Variants in PHACTR3 observed in about 807,000 individuals in gnomAD.
PHACTR3 encodes protein phosphatase 1, regulatory subunit 123.
Under a neutral mutation model 66.8 loss-of-function variants are expected in PHACTR3, and 16 were observed. That is an observed-to-expected ratio of 0.24 (90% CI 0.16 to 0.36). The LOEUF (loss-of-function observed/expected upper bound fraction) is 0.36. PHACTR3 is among the 10% of genes least tolerant of loss of function. PHACTR3 has a pLI of 1.00. For synonymous variants in PHACTR3, 323 were observed against 292.1 expected, an observed-to-expected ratio of 1.11 and a Z score of -1.08; for missense variants, 647 against 719.9, an observed-to-expected ratio of 0.90 and a Z score of 1.16.
intron 7 of PHACTR3, among the ~76,000 whole-genome samples, chr20:59,788,019 T>C (rs988915777): frequency 6.6e-6 from 1 of 152,130 alleles, no homozygotes; most frequent in Non-Finnish European, 1.5e-5. Flanking sequence ...CTTATGTGAG[T>C]AAGTTATTTG....
chr20:59,687,393 G>A (rs1023659933), intron 1 of PHACTR3, among the ~76,000 whole-genome samples: 1 of 152,180 alleles, frequency 6.6e-6, no homozygotes, highest in Non-Finnish European at 1.5e-5. Context: ...TGGAATTAAA[G>A]AAAACACTAC....
intron 2 of PHACTR3, among the ~76,000 whole-genome samples, chr20:59,743,809 C>T (rs570012745): frequency 6.6e-6 from 1 of 152,316 alleles, no homozygotes; most frequent in East Asian, 1.9e-4. Context: ...CACCTCTGGG[C>T]CTCTCTTCTT....
upstream of PHACTR3, among the ~76,000 whole-genome samples, chr20:59,599,803 C>T (rs2033422998): frequency 6.6e-6 from 1 of 152,184 alleles, no homozygotes; most frequent in East Asian, 1.9e-4. Context: ...ACACCGAGTC[C>T]AGCCTGCTGG....
chr20:59,633,072 T>C (rs1202140969), intron 1 of PHACTR3, among the ~76,000 whole-genome samples: 1 of 152,118 alleles, frequency 6.6e-6, no homozygotes, highest in Non-Finnish European at 1.5e-5. Context: ...AGAGGAGACA[T>C]CTACCCATGG....
At chr20:59,740,907 G>C (rs774618965) in intron 1 of PHACTR3, among the ~76,000 whole-genome samples, 1 of 152,244 alleles carries the variant, frequency 6.6e-6, no homozygotes, top group Non-Finnish European at 1.5e-5. Flanking sequence ...CCCAGATTCA[G>C]AGCAGGCCGT....
chr20:59,579,511 T>A (rs1031638487), intron 1 of PHACTR3, among the ~76,000 whole-genome samples: 1 of 152,180 alleles, frequency 6.6e-6, no homozygotes, highest in African/African-American at 2.4e-5. Context: ...TGGAAGCCCA[T>A]CAGCTAGGGG....
At position 59,611,021 on chromosome 20, in the gene PHACTR3, A is replaced by C. The variant is rs551745287; in HGVS notation, c.118+5889A>C. The stretch of plus-strand genomic sequence containing the variant: ...CAATGCAGCACACTTGGCCCTTGCC[A>C]GAAGGGCCTCTTTGGACAAGAGAAC... On this transcript the variant is annotated intron_variant, in intron 1 of 12. Coordinates refer to ENST00000371015, the MANE Select transcript of PHACTR3 (RefSeq NM_080672.5). Among the ~76,000 whole-genome samples the C allele has an allele frequency of 2.7e-3, 415 of 152,372 alleles. 2 individuals are homozygous for C. Among genetic ancestry groups the C allele is most frequent in the Non-Finnish European group, 2.8e-3 (192 of 68,042 alleles).
chr20:59,759,213 C>T (rs1052966071), intron 4 of PHACTR3, among the ~76,000 whole-genome samples: 2 of 152,070 alleles, frequency 1.3e-5, no homozygotes, highest in African/African-American at 4.8e-5. Context: ...GGCCTGGGAT[C>T]CTGCGCCAGG....
At chr20:59,583,110 G>C (rs376101861) in intron 1 of PHACTR3, among the ~76,000 whole-genome samples, 1 of 152,100 alleles carries the variant, frequency 6.6e-6, no homozygotes, top group African/African-American at 2.4e-5. Flanking sequence ...ATCCCTCTGC[G>C]TCTCCTTTTG....
intron 5 of PHACTR3, among the ~76,000 whole-genome samples, chr20:59,769,972 C>T (rs2040308939): frequency 6.6e-6 from 1 of 152,224 alleles, no homozygotes; most frequent in Non-Finnish European, 1.5e-5. Flanking sequence ...ATTTAAAGTC[C>T]ATTCAATTAG....
chr20:59,692,593 G>T (rs6100556), intron 1 of PHACTR3, among the ~76,000 whole-genome samples: 75,777 of 152,008 alleles, frequency 0.5, 20,126 homozygotes, highest in African/African-American at 0.69. Flanking sequence ...AACCCTTCAG[G>T]CTTCAAACAA....
At chr20:59,578,893 A>T (rs2146296544) in intron 1 of PHACTR3, among the ~76,000 whole-genome samples, 1 of 152,312 alleles carries the variant, frequency 6.6e-6, no homozygotes, top group African/African-American at 2.4e-5. Context: ...GAATCCACTC[A>T]TCAGGAATAT....
At chr20:59,778,597 C>T (rs530704072) in intron 7 of PHACTR3, among the ~76,000 whole-genome samples, 2 of 152,372 alleles carry the variant, frequency 1.3e-5, no homozygotes, top group East Asian at 3.9e-4. Flanking sequence ...CCCATGCAGC[C>T]TCTCTACCAG....
At chr20:59,758,811 G>A (rs545722034) in intron 4 of PHACTR3, among the ~76,000 whole-genome samples, 4 of 152,290 alleles carry the variant, frequency 2.6e-5, no homozygotes, top group African/African-American at 7.2e-5. Flanking sequence ...GGGACCATGG[G>A]CAAGTGACTT....
In PHACTR3 at chr20:59,810,676, C is replaced by G. The variant is rs1036117436; in HGVS notation, c.1328+4482C>G. Among the ~76,000 whole-genome samples, 3 of 152,214 alleles carry G rather than the reference C, an allele frequency of 2.0e-5. No homozygotes were observed. The South Asian group carries it at 6.2e-4, about 32-fold the overall frequency. On this transcript the variant is annotated intron_variant, in intron 8 of 12. Transcript: ENST00000371015. Reference sequence around the variant, plus strand: ...TCTTCTGAGTGTTCCTGGGCCTTTTCCTGGTGAAGCAGTCACTGCTCCCCA... The same window carrying G: ...TCTTCTGAGTGTTCCTGGGCCTTTTGCTGGTGAAGCAGTCACTGCTCCCCA...
intron 1 of PHACTR3, among the ~76,000 whole-genome samples, chr20:59,611,785 T>A (rs902000065): frequency 5.3e-5 from 8 of 152,170 alleles, no homozygotes; most frequent in Non-Finnish European, 1.2e-4. Flanking sequence ...TGAATGGAAA[T>A]CTCCTAGGGT....
intron 10 of PHACTR3, 87 bp from the exon 11 acceptor site, chr20:59,841,308 T>C (rs1293813095): frequency 7.3e-7 from 1 of 1,376,594 alleles, no homozygotes; most frequent in Non-Finnish European, 9.8e-7. Flanking sequence ...TTTGTTTTGT[T>C]TTTTAAGAGA....
chr20:59,821,577 T>C (rs1052499069), intron 8 of PHACTR3, among the ~76,000 whole-genome samples: 21 of 152,184 alleles, frequency 1.4e-4, no homozygotes, highest in Non-Finnish European at 2.5e-4. Flanking sequence ...AGGACCAGCA[T>C]TCAGGCATAA....
intron 1 of PHACTR3, among the ~76,000 whole-genome samples, chr20:59,578,212 C>T (rs2032769847): frequency 6.6e-6 from 1 of 152,208 alleles, no homozygotes; most frequent in African/African-American, 2.4e-5. Context: ...CAGAAAATGG[C>T]CAGGGCCCCA....
Sources: allele counts gnomAD v4.1 joint callset (sites outside exome capture counted in the v4.1 genomes callset), GRCh38; gene constraint gnomAD v4.1.1; transcripts MANE v1.5; gene names NCBI Gene and HGNC (gene_info 2026-07-23, HGNC 2026-07-21).